TMEM178B: variants seen among roughly 807,000 people sequenced by gnomAD.
TMEM178B encodes the protein transmembrane protein 178B.
A neutral mutation model predicts 31.0 loss-of-function variants in TMEM178B; 5 were observed. The ratio of observed to expected loss-of-function variants is 0.16; its 90% CI spans 0.08 to 0.34. The LOEUF (loss-of-function observed/expected upper bound fraction) is 0.34, where lower values mean the gene tolerates loss of function less well. Among genes scored for constraint, TMEM178B ranks in the 10% least tolerant of loss-of-function variants. TMEM178B has a pLI of 1.00. For missense variants in TMEM178B, 275 were observed against 400.3 expected (o/e 0.69, Z 2.67); for synonymous variants, 164 against 164.0 (o/e 1.00, Z 0.00).
In TMEM178B at chr7:141,074,115, C is replaced by T. The variant is rs941177861; in HGVS notation, c.-196C>T. 2.6e-6 allele frequency: 2 copies of T among 770,944 alleles called. No homozygotes were observed. Among genetic ancestry groups the T allele is most frequent in the African/African-American group, 1.8e-5 (1 of 54,138 alleles). 47.8% of individuals were successfully genotyped at this position (770,944 alleles called of 1,614,324 possible). ...CCGCGGGAGCCTCTCCGGATCAGAA[C>T]TTTTTAGGCCGCCCGCCCCCATCCC... On this transcript the variant is annotated 5_prime_UTR_variant, in exon 1 of 4. Transcript: ENST00000565468. The surrounding 1 kb of genome is among the most constrained non-coding windows in gnomAD (Gnocchi z 5.1).
chr7:141,463,822 C>T (rs1019251684), intron 3 of TMEM178B, among the ~76,000 whole-genome samples: 3 of 151,678 alleles, frequency 2.0e-5, no homozygotes, highest in Non-Finnish European at 2.9e-5. Context: ...GGGTGATAAA[C>T]GAGGTTGGCT....
At chr7:141,438,323 T>G (rs979891850) in intron 3 of TMEM178B, among the ~76,000 whole-genome samples, 1 of 152,100 alleles carries the variant, frequency 6.6e-6, no homozygotes. Context: ...CTAAAGGGAT[T>G]CTACATAAGG....
chr7:141,309,989 A>G (rs1469910838), intron 2 of TMEM178B, among the ~76,000 whole-genome samples: 1 of 152,226 alleles, frequency 6.6e-6, no homozygotes, highest in East Asian at 1.9e-4. Context: ...ATCCTAGAAG[A>G]AAATCTAGGC....
intron 1 of TMEM178B, among the ~76,000 whole-genome samples, chr7:141,200,730 T>G (rs1387392683): frequency 6.6e-6 from 1 of 152,128 alleles, no homozygotes; most frequent in Non-Finnish European, 1.5e-5. Context: ...GCAAGGTCTC[T>G]CATGACATCC....
At chr7:141,236,183 C>CTCCA (rs1215935161) in intron 2 of TMEM178B, among the ~76,000 whole-genome samples, 1 of 152,182 alleles carries the variant, frequency 6.6e-6, no homozygotes, top group Non-Finnish European at 1.5e-5. Flanking sequence ...GTAGAGGGAG[C>CTCCA]TCCAGTCTCA....
intron 1 of TMEM178B, among the ~76,000 whole-genome samples, chr7:141,178,997 T>C (rs1432041439): frequency 6.6e-6 from 1 of 152,204 alleles, no homozygotes; most frequent in Non-Finnish European, 1.5e-5. Context: ...TGCTTTTGGG[T>C]TCTCAGCTGA....
At chr7:141,333,295 C>T (rs986806934) in intron 2 of TMEM178B, among the ~76,000 whole-genome samples, 1 of 152,220 alleles carries the variant, frequency 6.6e-6, no homozygotes, top group African/African-American at 2.4e-5. Context: ...CTCTTCACTT[C>T]CCCAGCATCA....
chr7:141,207,361 A>C (rs1231770603), intron 1 of TMEM178B, among the ~76,000 whole-genome samples: 5 of 152,230 alleles, frequency 3.3e-5, no homozygotes, highest in Non-Finnish European at 5.9e-5. Flanking sequence ...AGGAACCACC[A>C]TACTGAGCCC....
intron 2 of TMEM178B, among the ~76,000 whole-genome samples, chr7:141,275,593 G>A (rs1222999794): frequency 6.6e-6 from 1 of 152,162 alleles, no homozygotes; most frequent in African/African-American, 2.4e-5. Flanking sequence ...TTTCACTGAA[G>A]GATTGTTAGT....
At chr7:141,393,453 G>C (rs755151809) in intron 2 of TMEM178B, among the ~76,000 whole-genome samples, 7 of 152,152 alleles carry the variant, frequency 4.6e-5, no homozygotes, top group Non-Finnish European at 1.0e-4. Flanking sequence ...GATCAAAGAG[G>C]AAGGAAGGAG....
At chr7:141,246,604 G>A (rs976035776) in intron 2 of TMEM178B, among the ~76,000 whole-genome samples, 5 of 152,130 alleles carry the variant, frequency 3.3e-5, no homozygotes, top group South Asian at 2.1e-4. Flanking sequence ...TGGAGGAGGC[G>A]GATCAAGAAC....
intron 2 of TMEM178B, among the ~76,000 whole-genome samples, chr7:141,358,523 G>C (rs541166999): frequency 6.6e-6 from 1 of 152,156 alleles, no homozygotes; most frequent in South Asian, 2.1e-4. Context: ...GATGTTCTTT[G>C]TTCCCTAAAC....
At chr7:141,336,709 A>T (rs1196219338) in intron 2 of TMEM178B, among the ~76,000 whole-genome samples, 1 of 151,556 alleles carries the variant, frequency 6.6e-6, no homozygotes, top group Non-Finnish European at 1.5e-5. Flanking sequence ...TGAACTACAC[A>T]TTATATAACT....
rs141339632 is a variant in TMEM178B, at chr7:141,395,176, A to G, written c.497-42432A>G. Among the ~76,000 whole-genome samples, 441 of 152,350 alleles carry G rather than the reference A, an allele frequency of 2.9e-3. 5 individuals are homozygous for G. The highest frequency in any genetic ancestry group is 9.9e-3 in the African/African-American group (410 of 41,580). On this transcript the variant is annotated intron_variant, in intron 2 of 3. Transcript: ENST00000565468. ...TTAGTATCCATAGAAATTTGGCTGC[A>G]AATATACTCCAGGAGAATCTACAGA... is the stretch of plus-strand genomic sequence containing the variant.
At chr7:141,508,418 C>G in the TMEM178B span, among the ~76,000 whole-genome samples, 1 of 152,334 alleles carries the variant, frequency 6.6e-6, no homozygotes, top group Non-Finnish European at 1.5e-5. Context: ...CCACATTTTC[C>G]TGTCTTCCTC....
At position 141,171,092 on chromosome 7, in the gene TMEM178B, T is replaced by C. The variant is rs527815698; in HGVS notation, c.383-41499T>C. ...CTAAATATAAATTAAAATAAATACT[T>C]GAAGTGTAACTCTTCACTTTTGAAT... On this transcript the variant is annotated intron_variant, in intron 1 of 3. Transcript: ENST00000565468. This position sits in a 1 kb window ranked among gnomAD's most constrained non-coding sequence, Gnocchi z 4.3. 1.3e-5 allele frequency among the ~76,000 whole-genome samples: 2 copies of C among 151,560 alleles called. No homozygotes were observed. The highest frequency in any genetic ancestry group is 1.3e-4 in the Admixed American group (2 of 15,218).
At chr7:141,239,360 G>A (rs1797580373) in intron 2 of TMEM178B, among the ~76,000 whole-genome samples, 1 of 152,152 alleles carries the variant, frequency 6.6e-6, no homozygotes, top group Non-Finnish European at 1.5e-5. Flanking sequence ...CCACTGAGCG[G>A]CAATGGAGTT....
intron 3 of TMEM178B, among the ~76,000 whole-genome samples, chr7:141,455,068 T>TCCA (rs1801939099): frequency 6.6e-6 from 1 of 152,144 alleles, no homozygotes; most frequent in African/African-American, 2.4e-5. Context: ...GCTTCCTCTG[T>TCCA]CCACTGGTTT....
At chr7:141,490,391 C>T in the TMEM178B span, among the ~76,000 whole-genome samples, 2 of 152,148 alleles carry the variant, frequency 1.3e-5, no homozygotes, top group Non-Finnish European at 2.9e-5. Flanking sequence ...CAGAGACGTG[C>T]ACATAGGGAG....
Sources: gnomAD v4.1 joint callset for allele counts (sites outside exome capture counted in the v4.1 genomes callset) on GRCh38, gnomAD v4.1.1 for gene constraint, Gnocchi (gnomAD v3.1) non-coding constraint, MANE v1.5 for transcripts, NCBI Gene and HGNC (gene_info 2026-07-23, HGNC 2026-07-21) for gene names.